Variants in PRKAR1B observed in about 807,000 individuals in gnomAD.
PRKAR1B encodes the protein protein kinase cAMP-dependent type I regulatory subunit beta, also known as cAMP-dependent protein kinase type I-beta regulatory subunit.
A neutral mutation model predicts 46.5 loss-of-function variants in PRKAR1B; 22 were observed. The ratio of observed to expected loss-of-function variants is 0.47; its 90% confidence interval spans 0.34 to 0.68. The LOEUF (loss-of-function observed/expected upper bound fraction) is 0.68, where lower values mean the gene tolerates loss of function less well. Among genes scored for constraint, PRKAR1B ranks in the 30% least tolerant of loss-of-function variants. The pLI, the probability that PRKAR1B is intolerant of heterozygous loss-of-function variation, is 0.01. For missense variants in PRKAR1B, 445 were observed against 535.6 expected (o/e 0.83, Z 1.67); for synonymous variants, 259 against 217.7 (o/e 1.19, Z -1.67).
intron 1 of PRKAR1B, 44 bp downstream of exon 1, chr7:727,166 T>C: frequency 7.6e-7 from 1 of 1,309,464 alleles, no homozygotes; most frequent in African/African-American, 1.6e-5. Flanking sequence ...GTGCAGCTGC[T>C]GGGCCTGGCC....
chr7:589,232 G>A (rs544632448), intron 7 of PRKAR1B, among the ~76,000 whole-genome samples: 39 of 151,802 alleles, frequency 2.6e-4, no homozygotes, highest in African/African-American at 6.8e-4. Context: ...CAGCTGTTCC[G>A]TGTGTCTCTG....
rs551212661 is a variant in PRKAR1B, at chr7:581,127, C to T, written c.770-1750G>A. ...GACCATCCTGGCTAACACGGTGAAA[C>T]GCCGTCTCTACTAAAAATACAAAAA... On this transcript the variant is annotated intron_variant, in intron 8 of 10. Transcript: ENST00000537384. Among the ~76,000 whole-genome samples the T allele has an allele frequency of 2.6e-3, 402 of 152,152 alleles. 3 individuals are homozygous for T. Among genetic ancestry groups the T allele is most frequent in the South Asian group, 9.8e-3 (47 of 4,806 alleles).
chr7:660,811 T>C (rs1301785150), intron 4 of PRKAR1B, among the ~76,000 whole-genome samples: 1 of 68,308 alleles, frequency 1.5e-5, no homozygotes, highest in African/African-American at 6.6e-5. Context: ...ATACCTACTC[T>C]CCCCCCCATG....
chr7:608,077 ATGGGGGAGCTGGC>A (rs1782212251), intron 4 of PRKAR1B: 1 of 152,598 alleles, frequency 6.6e-6, no homozygotes, highest in African/African-American at 2.4e-5. Context: ...CCCAAGGGGC[ATGGGGGAGCTGGC>A]AGAGGCACCC....
At chr7:681,317 T>A (rs1472321540) in intron 2 of PRKAR1B, among the ~76,000 whole-genome samples, 1 of 137,764 alleles carries the variant, frequency 7.3e-6, no homozygotes, top group Non-Finnish European at 1.6e-5. Context: ...ATACACCCTG[T>A]CTCTATAAAA....
At chr7:604,488 C>T (rs1224692491) in intron 6 of PRKAR1B, among the ~76,000 whole-genome samples, 1 of 152,216 alleles carries the variant, frequency 6.6e-6, no homozygotes, top group Non-Finnish European at 1.5e-5. Context: ...GGGCCCAGCC[C>T]GTGGGTTCCG....
intron 2 of PRKAR1B, among the ~76,000 whole-genome samples, chr7:698,082 AGAGGG>A (rs1779867289): frequency 3.2e-5 from 1 of 31,358 alleles, no homozygotes; most frequent in South Asian, 1.6e-3. Context: ...GGAAGGGAGC[AGAGGG>A]GAGGGGAGGG....
At chr7:618,549 T>G (rs1392859924) in intron 4 of PRKAR1B, among the ~76,000 whole-genome samples, 1 of 152,204 alleles carries the variant, frequency 6.6e-6, no homozygotes, top group Non-Finnish European at 1.5e-5. Context: ...CTTCTTTTTC[T>G]TCAAGGAGTC....
At chr7:584,599 A>G (rs1291442591) in intron 7 of PRKAR1B, 31 bp from the exon 8 acceptor site, 1 of 1,579,408 alleles carries the variant, frequency 6.3e-7, no homozygotes, top group African/African-American at 1.5e-5. Flanking sequence ...AACAGACAAG[A>G]AGGTGAATCT....
chr7:595,115 C>T (rs549082942), intron 7 of PRKAR1B, among the ~76,000 whole-genome samples: 6 of 152,312 alleles, frequency 3.9e-5, no homozygotes, highest in Non-Finnish European at 2.9e-5. Flanking sequence ...CGGCCTGGAG[C>T]CCTCCCCGCC....
At chr7:586,571 C>G (rs1780613124) in intron 7 of PRKAR1B, among the ~76,000 whole-genome samples, 2 of 152,206 alleles carry the variant, frequency 1.3e-5, no homozygotes, top group South Asian at 4.1e-4. Context: ...CTGATCCCCC[C>G]AGCCCGAGGA....
chr7:627,633 G>C (rs540762025), intron 4 of PRKAR1B, among the ~76,000 whole-genome samples: 1 of 152,194 alleles, frequency 6.6e-6, no homozygotes, highest in African/African-American at 2.4e-5. Context: ...ACAGCAGAGG[G>C]CACTTCCAAT....
chr7:617,299 CTTTTTTTTT>C (rs71016890), intron 4 of PRKAR1B, among the ~76,000 whole-genome samples: 1 of 132,394 alleles, frequency 7.6e-6, no homozygotes, highest in South Asian at 2.6e-4. Context: ...GACCAAGTGC[CTTTTTTTTT>C]TTTTTTTTTT....
chr7:634,643 GTTTT>G (rs545415569), intron 4 of PRKAR1B, among the ~76,000 whole-genome samples: 143 of 142,782 alleles, frequency 1.0e-3, no homozygotes, highest in African/African-American at 3.3e-3. Flanking sequence ...GCAACTTACT[GTTTT>G]TTTTTTTTTT....
chr7:621,891 T>C (rs62432163), intron 4 of PRKAR1B, among the ~76,000 whole-genome samples: 114,807 of 152,160 alleles, frequency 0.75, 43,821 homozygotes, highest in South Asian at 0.9. Flanking sequence ...GGTCAGCAGC[T>C]GCTGCCATAG....
At chr7:701,436 C>G (rs536882249) in intron 2 of PRKAR1B, among the ~76,000 whole-genome samples, 1 of 151,998 alleles carries the variant, frequency 6.6e-6, no homozygotes, top group South Asian at 2.1e-4. Flanking sequence ...CCCTGAAAGA[C>G]AGGAAAAAGA....
At chr7:651,755 G>T (rs1583358702) in intron 4 of PRKAR1B, among the ~76,000 whole-genome samples, 1 of 128,800 alleles carries the variant, frequency 7.8e-6, no homozygotes, top group East Asian at 2.4e-4. Flanking sequence ...AGGAACCTGG[G>T]GAAACCCCTC....
chr7:630,662 C>T (rs777188703), intron 4 of PRKAR1B, among the ~76,000 whole-genome samples: 3 of 152,220 alleles, frequency 2.0e-5, no homozygotes, highest in Non-Finnish European at 2.9e-5. Context: ...GGCCTCACTG[C>T]CAGGCTCATG....
rs1322856668 is a variant in PRKAR1B at position 702,716 on chromosome 7, G to C, written c.177+8613C>G. 2.6e-5 allele frequency among the ~76,000 whole-genome samples: 4 copies of C among 152,250 alleles called. No individual in the cohort carries two copies. In the South Asian group the frequency reaches 8.3e-4, roughly 32 times the overall value. On this transcript the variant is annotated intron_variant, in intron 2 of 10. Transcript: ENST00000537384. ...CAGGTGCCTGTAGTCCCAGCTACTC[G>C]GGAGGCTGAGGCAGGAGAATGGTGT... is the stretch of plus-strand genomic sequence containing the variant.
Sources: allele counts gnomAD v4.1 joint callset (sites outside exome capture counted in the v4.1 genomes callset), GRCh38; gene constraint gnomAD v4.1.1; transcripts MANE v1.5; gene names NCBI Gene and HGNC (gene_info 2026-07-23, HGNC 2026-07-21).